The following ZMAT4 variants were observed in gnomAD, a reference collection of about 807,000 sequenced individuals.
ZMAT4 encodes zinc finger matrin-type protein 4.
ZMAT4 carries 17 observed loss-of-function variants against 28.7 expected under a neutral mutation model. The observed-to-expected ratio is 0.59, with a 90% CI of 0.41 to 0.89. The LOEUF is 0.89. Among genes scored for constraint, ZMAT4 ranks in the 40% least tolerant of loss-of-function variants. The pLI is 0.00. For missense variants in ZMAT4, 240 were observed against 283.8 expected (o/e 0.85, Z 1.11); for synonymous variants, 117 against 109.2 (o/e 1.07, Z -0.44).
intron 2 of ZMAT4, among the ~76,000 whole-genome samples, chr8:40,818,067 A>G (rs1414144955): frequency 6.6e-6 from 1 of 152,182 alleles, no homozygotes; most frequent in Non-Finnish European, 1.5e-5. Context: ...CCTCTTAATC[A>G]ATGAGCATGA....
intron 2 of ZMAT4, among the ~76,000 whole-genome samples, chr8:40,808,789 G>T (rs753730956): frequency 1.3e-5 from 2 of 151,212 alleles, no homozygotes; most frequent in Non-Finnish European, 2.9e-5. Context: ...AACTATCCTG[G>T]ATGCCAACTA....
intron 5 of ZMAT4, among the ~76,000 whole-genome samples, chr8:40,640,964 AAAAAAAGAAAG>A (rs1179504101): frequency 1.3e-5 from 2 of 151,908 alleles, no homozygotes; most frequent in African/African-American, 2.4e-5. Flanking sequence ...TCTCAAAAAA[AAAAAAAGAAAG>A]AAAAAAGAAA....
At chr8:40,668,405 G>T (rs1468749970) in intron 5 of ZMAT4, among the ~76,000 whole-genome samples, 1 of 146,526 alleles carries the variant, frequency 6.8e-6, no homozygotes. Context: ...AGGAGGCGGA[G>T]GTTGCAGTGA....
rs10676366 is a variant in ZMAT4 at position 40,639,771 on chromosome 8, T to TACACACACAC, written c.577+34923_577+34932dup. 3.5e-3 allele frequency among the ~76,000 whole-genome samples: 515 copies of TACACACACAC among 146,450 alleles called. 1 individual carries two copies. The highest frequency in any genetic ancestry group is 4.9e-3 in the African/African-American group (196 of 39,684). On this transcript the variant is annotated intron_variant, in intron 5 of 6. Transcript: ENST00000297737. Reference sequence around the variant, plus strand: ...AACTAACAAAATTAAGTCCTTTTGTTACACACACACACACACACACACACA... The same window carrying TACACACACAC: ...AACTAACAAAATTAAGTCCTTTTGTTACACACACACACACACACACACACACACACACACA...
intron 3 of ZMAT4, among the ~76,000 whole-genome samples, chr8:40,761,801 C>A (rs1242900328): frequency 1.3e-5 from 2 of 152,310 alleles, no homozygotes; most frequent in East Asian, 3.9e-4. Context: ...ATACTTGACA[C>A]ACACTTTACA....
intron 5 of ZMAT4, among the ~76,000 whole-genome samples, chr8:40,645,924 A>T (rs1483326192): frequency 1.3e-5 from 2 of 152,144 alleles, no homozygotes; most frequent in Non-Finnish European, 2.9e-5. Context: ...ATACACAGAT[A>T]ATACACTTAT....
At chr8:40,783,969 C>G (rs1813954189) in intron 2 of ZMAT4, among the ~76,000 whole-genome samples, 1 of 152,154 alleles carries the variant, frequency 6.6e-6, no homozygotes, top group African/African-American at 2.4e-5. Context: ...AGAGAAGGCA[C>G]CACTGCACTC....
intron 2 of ZMAT4, among the ~76,000 whole-genome samples, chr8:40,773,524 GA>G (rs1228718987): frequency 3.3e-5 from 5 of 151,392 alleles, no homozygotes; most frequent in African/African-American, 1.2e-4. Context: ...AAAAAACTGT[GA>G]AAAAAATATG....
intron 5 of ZMAT4, among the ~76,000 whole-genome samples, chr8:40,649,859 G>C: frequency 1.3e-5 from 2 of 151,820 alleles, no homozygotes; most frequent in African/African-American, 2.4e-5. Context: ...CAGAAATAAA[G>C]ATGTTCTTTG....
intron 6 of ZMAT4, among the ~76,000 whole-genome samples, chr8:40,554,915 G>C (rs1183810394): frequency 6.6e-6 from 1 of 152,008 alleles, no homozygotes; most frequent in Non-Finnish European, 1.5e-5. Flanking sequence ...TCTTCCATCT[G>C]ACTGTATTTT....
intron 5 of ZMAT4, among the ~76,000 whole-genome samples, chr8:40,588,586 C>A (rs910853928): frequency 1.3e-5 from 2 of 151,960 alleles, no homozygotes; most frequent in Non-Finnish European, 2.9e-5. Flanking sequence ...CTATTGCATA[C>A]CCACCATGAA....
rs75375242 is a variant in ZMAT4 at position 40,834,854 on chromosome 8, G to A, written c.-4-9174C>T. Among the ~76,000 whole-genome samples the A allele has an allele frequency of 1.5e-3, 222 of 152,298 alleles. 1 individual carries two copies. Among genetic ancestry groups the A allele is most frequent in the Non-Finnish European group, 2.9e-3 (194 of 68,032 alleles). On this transcript the variant is annotated intron_variant, in intron 1 of 6. Transcript: ENST00000297737. ...GGGATCTGAGTACCAGAGGCAGGTG[G>A]GGACTAGCAGAGACTCTGCAAGGCA...
intron 1 of ZMAT4, among the ~76,000 whole-genome samples, chr8:40,886,067 A>G (rs1818441919): frequency 6.6e-6 from 1 of 152,234 alleles, no homozygotes; most frequent in Non-Finnish European, 1.5e-5. Flanking sequence ...ATAAAAGAAC[A>G]CATAACATGT....
chr8:40,839,306 T>C (rs1586147475), intron 1 of ZMAT4, among the ~76,000 whole-genome samples: 1 of 152,202 alleles, frequency 6.6e-6, no homozygotes, highest in Non-Finnish European at 1.5e-5. Flanking sequence ...TGCTCAGGTG[T>C]GCCTTGCCTC....
intron 3 of ZMAT4, among the ~76,000 whole-genome samples, chr8:40,721,766 A>G (rs1282040439): frequency 6.6e-6 from 1 of 151,792 alleles, no homozygotes; most frequent in Non-Finnish European, 1.5e-5. Context: ...TTTTGGCTGC[A>G]TAAATGTCTT....
At chr8:40,555,803 A>G (rs1803514612) in intron 6 of ZMAT4, among the ~76,000 whole-genome samples, 2 of 151,932 alleles carry the variant, frequency 1.3e-5, no homozygotes, top group South Asian at 4.2e-4. Context: ...TTCTTCCCCA[A>G]ATCTCAGAGT....
rs185689986 is a variant in ZMAT4 at position 40,583,725 on chromosome 8, A to C, written c.578-2464T>G. 3.9e-5 allele frequency among the ~76,000 whole-genome samples: 6 copies of C among 152,330 alleles called. No homozygotes were observed. In the East Asian group the frequency reaches 9.7e-4, roughly 25 times the overall value. ...TATGCATTTTAGGGAGCCACGAGGC[A>C]TCAATCAATATGTGTAAGATGTACC... On this transcript the variant is annotated intron_variant, in intron 5 of 6. Coordinates refer to ENST00000297737, the MANE Select transcript of ZMAT4 (RefSeq NM_024645.3).
At chr8:40,609,241 A>G (rs1024628930) in intron 5 of ZMAT4, among the ~76,000 whole-genome samples, 1 of 152,216 alleles carries the variant, frequency 6.6e-6, no homozygotes, top group African/African-American at 2.4e-5. Context: ...GATTCAACAG[A>G]ATTAATATTA....
At chr8:40,699,057 G>A (rs1045425838) in intron 3 of ZMAT4, among the ~76,000 whole-genome samples, 5 of 152,146 alleles carry the variant, frequency 3.3e-5, no homozygotes, top group African/African-American at 1.2e-4. Flanking sequence ...GAATACTATG[G>A]AAATGAAATG....
Sources: gnomAD v4.1 joint callset for allele counts (sites outside exome capture counted in the v4.1 genomes callset) on GRCh38, gnomAD v4.1.1 for gene constraint, MANE v1.5 for transcripts, NCBI Gene and HGNC (gene_info 2026-07-23, HGNC 2026-07-21) for gene names.